SP6: variants seen among roughly 807,000 people sequenced by gnomAD.
The protein encoded by SP6 is transcription factor Sp6.
SP6 carries 10 observed loss-of-function variants against 23.4 expected under a neutral mutation model. That is an observed-to-expected ratio of 0.43 (90% CI 0.26 to 0.72). The LOEUF is 0.72. SP6 is among the 30% of genes least tolerant of loss of function. The pLI is 0.23. For missense variants in SP6, 482 were observed against 523.8 expected, an observed-to-expected ratio of 0.92 and a Z score of 0.78; for synonymous variants, 238 against 238.7, an observed-to-expected ratio of 1.00 and a Z score of 0.03.
the SP6 span, among the ~76,000 whole-genome samples, chr17:47,869,878 A>G: frequency 6.6e-6 from 1 of 152,360 alleles, no homozygotes; most frequent in African/African-American, 2.4e-5. Context: ...ACACTTTTCT[A>G]TATGCATTTC....
At chr17:47,854,974 T>G (rs1039650892), upstream of SP6, among the ~76,000 whole-genome samples, 2 of 152,218 alleles carry the variant, frequency 1.3e-5, no homozygotes, top group African/African-American at 4.8e-5. Flanking sequence ...CATACTCTCC[T>G]GATTCTTAGA....
upstream of SP6, among the ~76,000 whole-genome samples, chr17:47,860,719 AAAATAAATAAATAAAT>A (rs71141936): frequency 4.0e-5 from 6 of 148,822 alleles, no homozygotes; most frequent in South Asian, 2.1e-4. Flanking sequence ...AAAAAAAGTT[AAAATAAATAAATAAAT>A]AAATAAATAA....
the SP6 span, among the ~76,000 whole-genome samples, chr17:47,867,154 G>A: frequency 1.3e-5 from 2 of 152,196 alleles, no homozygotes; most frequent in Non-Finnish European, 2.9e-5. Context: ...GCCCCAGTGA[G>A]GGTCCCCCTG....
the SP6 span, among the ~76,000 whole-genome samples, chr17:47,875,856 C>T: frequency 6.6e-6 from 1 of 152,266 alleles, no homozygotes; most frequent in East Asian, 1.9e-4. Context: ...GATCTTTTTC[C>T]TTCTCTCTGA....
Position 47,848,378 on chromosome 17 carries a change from G to T in SP6, c.52C>A (p.His18Asn), listed in dbSNP as rs1440657117. The T allele has an allele frequency of 6.4e-7, 1 of 1,565,790 alleles. No homozygotes were observed. Among genetic ancestry groups the T allele is most frequent in the Non-Finnish European group, 8.6e-7 (1 of 1,156,260 alleles). The change falls in exon 2 of 2, where the codon CAC (histidine) becomes AAC (asparagine). Residue 18 changes from histidine to asparagine, a missense_variant. Physicochemically the swap from His to Asn is moderately conservative, Grantham distance 68. This residue lies in a region of SP6 where 330 missense variants were observed against 332.3 expected (regional missense o/e 0.99). Transcript: ENST00000536300. The surrounding 1 kb of genome is among the most constrained non-coding windows in gnomAD (Gnocchi z 5.3). ...SLGSQHTEAP[H>N]ASPPRLDLQP... ...AGGTCGAGGCGCGGCGGGGAGGCGT[G>T]CGGCGCTTCCGTGTGCTGGCTGCCC...
upstream of SP6, among the ~76,000 whole-genome samples, chr17:47,852,953 C>CT (rs1306236639): frequency 4.6e-5 from 7 of 152,220 alleles, no homozygotes; most frequent in African/African-American, 1.7e-4. Flanking sequence ...TAAGTCAGTT[C>CT]CAGGTAAATA....
chr17:47,847,608 G>T lies in SP6; in HGVS notation c.822C>A (p.His274Gln). Reference protein sequence around the residue: ...AYAKTSHLKAHLRWHSGDRPF... With the variant: ...AYAKTSHLKAQLRWHSGDRPF... ...GACGGTCGCCGCTGTGCCAGCGCAGGTGCGCCTTCAGGTGCGACGTCTTGG... is the reference window on the plus strand; with the variant it reads ...GACGGTCGCCGCTGTGCCAGCGCAGTTGCGCCTTCAGGTGCGACGTCTTGG... Residue 274 changes from histidine to glutamine, a missense_variant, in exon 2 of 2, where the codon CAC becomes CAA. Physicochemically the swap from His to Gln is conservative, Grantham distance 24. Transcript: ENST00000536300. 1 of 1,613,626 alleles carries T rather than the reference G, an allele frequency of 6.2e-7. No individual in the cohort carries two copies.
chr17:47,851,929 C>T (rs1483693652), upstream of SP6, among the ~76,000 whole-genome samples: 3 of 151,730 alleles, frequency 2.0e-5, no homozygotes, highest in South Asian at 2.1e-4. Flanking sequence ...GTCACTCTGC[C>T]CCTCCCCTTA....
chr17:47,863,749 T>TA, the SP6 span, among the ~76,000 whole-genome samples: 3 of 146,546 alleles, frequency 2.0e-5, no homozygotes, highest in South Asian at 6.5e-4. Flanking sequence ...TTTTTTTTTT[T>TA]TTTTTTTGAG....
chr17:47,869,040 G>A, the SP6 span, among the ~76,000 whole-genome samples: 47 of 152,324 alleles, frequency 3.1e-4, 2 homozygotes, highest in East Asian at 6.4e-3. Context: ...CCCCAGGGGC[G>A]TGAGCCCTTG....
Position 47,848,157 on chromosome 17 carries a change from G to T in SP6, c.273C>A (p.Pro91=), listed in dbSNP as rs1379050668. Residue 91 remains proline (P), a synonymous_variant, in exon 2 of 2, where the codon CCC becomes CCA. Coordinates refer to ENST00000536300, the MANE Select transcript of SP6 (RefSeq NM_001258248.2). The surrounding 1 kb of genome is among the most constrained non-coding windows in gnomAD (Gnocchi z 5.3). The part of the protein sequence containing the change: ...LESDSPLAPG[P]FSKLLQPDMS... ...TGTCCGGCTGCAGGAGCTTGGAAAA[G>T]GGGCCCGGGGCCAAGGGACTGTCGC... 2.5e-6 allele frequency: 4 copies of T among 1,613,304 alleles called. No homozygotes were observed. The highest frequency in any genetic ancestry group is 3.4e-6 in the Non-Finnish European group (4 of 1,179,996).
In SP6 at chr17:47,847,541, G is replaced by A. The variant is rs1375148135; in HGVS notation, c.889C>T (p.Arg297Cys). ...NWLFCGKRFT[R>C]SDELQRHLQT... ...AGGTGGCGCTGCAGCTCGTCCGAGC[G>A]CGTGAAGCGCTTGCCGCAGAAGAGC... The change falls in exon 2 of 2, where the codon CGC becomes TGC. Residue 297 changes from arginine to cysteine, a missense_variant. Physicochemically the swap from Arg to Cys is radical, Grantham distance 180. Coordinates refer to ENST00000536300, the MANE Select transcript of SP6 (RefSeq NM_001258248.2). The A allele has an allele frequency of 6.2e-7, 1 of 1,613,588 alleles. No individual in the cohort carries two copies. The highest frequency in any genetic ancestry group is 8.5e-7 in the Non-Finnish European group (1 of 1,179,976).
At chr17:47,850,868 G>T (rs1203747209) in intron 1 of SP6, 51 bp downstream of exon 1, 2 of 152,248 alleles carry the variant, frequency 1.3e-5, no homozygotes, top group African/African-American at 4.8e-5. Context: ...GCGTTTTTTC[G>T]AGACAATCTC....
chr17:47,867,317 T>TAG, the SP6 span, among the ~76,000 whole-genome samples: 1 of 151,820 alleles, frequency 6.6e-6, no homozygotes, highest in East Asian at 1.9e-4. Flanking sequence ...CAATGAGGCT[T>TAG]AGAGAGAGAG....
the SP6 span, among the ~76,000 whole-genome samples, chr17:47,863,679 T>C: frequency 3.3e-5 from 5 of 150,270 alleles, 1 homozygote; most frequent in South Asian, 1.1e-3. Flanking sequence ...AGCAATTCTC[T>C]TGCCTCAGCC....
rs11652439 is a variant in SP6 at position 47,846,992 on chromosome 17, G to T, written c.*307C>A. 5.3e-6 allele frequency: 2 copies of T among 378,154 alleles called. No individual in the cohort carries two copies. Among genetic ancestry groups the T allele is most frequent in the African/African-American group, 2.1e-5 (1 of 48,012 alleles). The allele number at this position is 378,154 out of a possible 1,614,324, so 23.4% of individuals were successfully genotyped here. ...TTGCTGTCTCCTCTAGCCTGTCCCC[G>T]CCAGCCAGCCGCGGTACGGGTGTCC... On this transcript the variant is annotated 3_prime_UTR_variant, in exon 2 of 2. Transcript: ENST00000536300.
upstream of SP6, among the ~76,000 whole-genome samples, chr17:47,852,558 G>A (rs2033968814): frequency 6.6e-6 from 1 of 150,954 alleles, no homozygotes; most frequent in South Asian, 2.2e-4. Flanking sequence ...CTTGAATTTA[G>A]GCTGATTTAA....
At position 47,846,860 on chromosome 17, in the gene SP6, C is replaced by T. The variant is rs1395360328; in HGVS notation, c.*439G>A. On this transcript the variant is annotated 3_prime_UTR_variant, in exon 2 of 2. Coordinates refer to ENST00000536300, the MANE Select transcript of SP6 (RefSeq NM_001258248.2). ...AAAGGGACCCCGCCGCAGGGCGGCT[C>T]CGGAGGCGCTTTTATGTCCTGGTTC... The T allele has an allele frequency of 6.2e-6, 1 of 162,522 alleles. No individual in the cohort carries two copies. Among genetic ancestry groups the T allele is most frequent in the Non-Finnish European group, 1.3e-5 (1 of 75,470 alleles). The allele number at this position is 162,522 out of a possible 1,614,324, so 10.1% of individuals were successfully genotyped here. A position where few individuals can be genotyped will look rare whatever the true frequency, so the allele number is the denominator to read the frequency against.
chr17:47,860,401 G>A (rs1598066359), upstream of SP6, among the ~76,000 whole-genome samples: 1 of 152,160 alleles, frequency 6.6e-6, no homozygotes, highest in Non-Finnish European at 1.5e-5. Context: ...GTGTAAGATC[G>A]TGAGTTCCTT....
Sources: allele counts gnomAD v4.1 joint callset (sites outside exome capture counted in the v4.1 genomes callset), GRCh38; gene constraint gnomAD v4.1.1; regional missense constraint gnomAD v4.1.1; non-coding constraint Gnocchi (gnomAD v3.1); transcripts MANE v1.5; gene names NCBI Gene and HGNC (gene_info 2026-07-23, HGNC 2026-07-21).